Variants in RALYL observed in about 807,000 individuals in gnomAD.
RALYL encodes the protein RALY RNA binding protein like, also known as RNA-binding Raly-like protein.
In RALYL, 29 loss-of-function variants were observed where a neutral mutation model predicts 35.1. The ratio of observed to expected loss-of-function variants is 0.83; its 90% CI spans 0.61 to 1.13. The LOEUF (loss-of-function observed/expected upper bound fraction) is 1.13, where lower values mean the gene tolerates loss of function less well. Ranked by LOEUF, RALYL falls within the 50% of genes most tolerant of loss-of-function variation. RALYL has a pLI of 0.00. For synonymous variants in RALYL, 120 were observed against 127.6 expected (o/e 0.94, Z 0.40); for missense variants, 359 against 360.4 (o/e 1.00, Z 0.03).
At chr8:84,419,205 A>G (rs896369361) in intron 1 of RALYL, among the ~76,000 whole-genome samples, 3 of 152,142 alleles carry the variant, frequency 2.0e-5, no homozygotes, top group African/African-American at 7.2e-5. Context: ...CTCCTTGTAT[A>G]TTCACAGAGG....
chr8:84,431,285 T>G (rs1419961983), intron 1 of RALYL, among the ~76,000 whole-genome samples: 1 of 152,084 alleles, frequency 6.6e-6, no homozygotes, highest in Non-Finnish European at 1.5e-5. Context: ...GCCAGGCATT[T>G]TGACTCCACA....
At chr8:84,612,811 T>A (rs1818606204) in intron 2 of RALYL, among the ~76,000 whole-genome samples, 1 of 151,658 alleles carries the variant, frequency 6.6e-6, no homozygotes, top group South Asian at 2.1e-4. Flanking sequence ...AAGTTCAATA[T>A]CCTTGGAACA....
rs78373799 is a variant in RALYL at position 84,676,088 on chromosome 8, A to G, written c.257-98491A>G. On this transcript the variant is annotated intron_variant, in intron 2 of 8. Transcript: ENST00000521268. ...ACTGTTATTTGTCAAGTATACCTCA[A>G]CAAGGCTGGAAAAAATGGGAAAATA... is the stretch of plus-strand genomic sequence containing the variant. 9.1e-4 allele frequency among the ~76,000 whole-genome samples: 138 copies of G among 152,334 alleles called. 1 individual carries two copies. In the East Asian group the frequency reaches 0.019, roughly 20 times the overall value.
chr8:84,911,102 C>T (rs916235349), intron 8 of RALYL, among the ~76,000 whole-genome samples: 6 of 151,910 alleles, frequency 3.9e-5, no homozygotes, highest in African/African-American at 1.5e-4. Flanking sequence ...AGCAAGATGG[C>T]AGAATAGGAA....
intron 1 of RALYL, among the ~76,000 whole-genome samples, chr8:84,408,030 C>T (rs2043725255): frequency 1.3e-5 from 2 of 151,828 alleles, no homozygotes; most frequent in Non-Finnish European, 2.9e-5. Flanking sequence ...AGTCATTAGC[C>T]TAATAAACCA....
intron 1 of RALYL, among the ~76,000 whole-genome samples, chr8:84,524,426 G>A (rs2058719753): frequency 1.3e-5 from 2 of 152,126 alleles, no homozygotes; most frequent in South Asian, 2.1e-4. Context: ...AGTTAGAATG[G>A]CAATCATTAA....
At chr8:84,388,788 G>A (rs376439287) in intron 1 of RALYL, among the ~76,000 whole-genome samples, 5,245 of 151,826 alleles carry the variant, frequency 0.035, 120 homozygotes, top group East Asian at 0.13. Flanking sequence ...CCCATTTTGT[G>A]GGTTGCCTGT....
intron 2 of RALYL, among the ~76,000 whole-genome samples, chr8:84,575,725 T>G (rs1373409492): frequency 5.9e-5 from 9 of 152,188 alleles, no homozygotes; most frequent in Non-Finnish European, 1.0e-4. Context: ...CAAGAGTCTC[T>G]ACTTGAAAAT....
intron 4 of RALYL, among the ~76,000 whole-genome samples, chr8:84,807,845 C>A (rs898252326): frequency 6.6e-6 from 1 of 152,000 alleles, no homozygotes; most frequent in Admixed American, 6.6e-5. Flanking sequence ...TGTAATTAAC[C>A]CACTTTTTGA....
At chr8:84,438,399 TTTA>T (rs2047967554) in intron 1 of RALYL, among the ~76,000 whole-genome samples, 1 of 152,044 alleles carries the variant, frequency 6.6e-6, no homozygotes, top group South Asian at 2.1e-4. Context: ...TATTTATTTA[TTTA>T]TTTAGAGACA....
intron 1 of RALYL, among the ~76,000 whole-genome samples, chr8:84,524,380 G>A (rs2058716707): frequency 6.6e-6 from 1 of 152,176 alleles, no homozygotes; most frequent in South Asian, 2.1e-4. Context: ...TCAGAGAAAT[G>A]CAAATCAAAA....
At chr8:84,280,767 T>A (rs982936240) in intron 1 of RALYL, among the ~76,000 whole-genome samples, 12 of 150,270 alleles carry the variant, frequency 8.0e-5, no homozygotes, top group African/African-American at 2.7e-4. Context: ...ATATATATAA[T>A]ATACATATAT....
chr8:84,878,884 T>C (rs1025359951), intron 7 of RALYL, among the ~76,000 whole-genome samples: 6 of 152,172 alleles, frequency 3.9e-5, no homozygotes, highest in Middle Eastern at 3.2e-3. Context: ...CTAGGTCATC[T>C]GTATTCATTC....
chr8:84,813,771 T>TA (rs1341350306), intron 4 of RALYL, among the ~76,000 whole-genome samples: 1 of 150,966 alleles, frequency 6.6e-6, no homozygotes, highest in Non-Finnish European at 1.5e-5. Context: ...ACTTTTTTTT[T>TA]AATACTTTAA....
At chr8:84,704,416 C>T (rs1181258329) in intron 2 of RALYL, among the ~76,000 whole-genome samples, 1 of 151,442 alleles carries the variant, frequency 6.6e-6, no homozygotes, top group East Asian at 1.9e-4. Context: ...CAGAGCGAGA[C>T]TCTATACCAC....
At chr8:84,607,896 T>C (rs934355376) in intron 2 of RALYL, among the ~76,000 whole-genome samples, 5 of 151,896 alleles carry the variant, frequency 3.3e-5, no homozygotes, top group African/African-American at 9.7e-5. Context: ...CAAAATGTAA[T>C]TTAAAAGAAA....
chr8:84,461,035 C>G (rs906025807), intron 1 of RALYL, among the ~76,000 whole-genome samples: 1 of 151,536 alleles, frequency 6.6e-6, no homozygotes, highest in Admixed American at 6.6e-5. Context: ...AATTTTTATT[C>G]TTTGCATTTT....
intron 1 of RALYL, among the ~76,000 whole-genome samples, chr8:84,190,736 C>A (rs1168977328): frequency 6.6e-6 from 1 of 152,082 alleles, no homozygotes; most frequent in Non-Finnish European, 1.5e-5. Flanking sequence ...GATTAAATGA[C>A]CAATGTGCAA....
At chr8:84,370,683 A>G (rs542453623) in intron 1 of RALYL, among the ~76,000 whole-genome samples, 3 of 152,242 alleles carry the variant, frequency 2.0e-5, no homozygotes, top group Middle Eastern at 6.8e-3. Flanking sequence ...GGAAGTGTTT[A>G]GAATCTGAGT....
Sources: gnomAD v4.1 joint callset for allele counts (sites outside exome capture counted in the v4.1 genomes callset) on GRCh38, gnomAD v4.1.1 for gene constraint, MANE v1.5 for transcripts, NCBI Gene and HGNC (gene_info 2026-07-23, HGNC 2026-07-21) for gene names.